Variants in FSHR observed in about 807,000 individuals in gnomAD.
FSHR encodes the protein follicle stimulating hormone receptor.
Under a neutral mutation model 52.1 loss-of-function variants are expected in FSHR, and 46 were observed. The ratio of observed to expected loss-of-function variants is 0.88; its 90% CI spans 0.70 to 1.13. FSHR has a LOEUF of 1.13. FSHR is among the 50% of genes most tolerant of loss of function. The probability of loss-of-function intolerance (pLI) is 0.00; values close to 1 mark genes in which losing one functional copy is unlikely to be tolerated. For missense variants in FSHR, 964 were observed against 834.6 expected (o/e 1.16, Z -1.91); for synonymous variants, 399 against 309.6 (o/e 1.29, Z -3.03).
At chr2:49,120,953 T>C (rs547975490) in intron 1 of FSHR, among the ~76,000 whole-genome samples, 14 of 152,246 alleles carry the variant, frequency 9.2e-5, no homozygotes, top group Non-Finnish European at 1.8e-4. Flanking sequence ...ACTAGTGATT[T>C]GGGGTTTTTC....
intron 2 of FSHR, among the ~76,000 whole-genome samples, chr2:49,061,973 A>C (rs931210058): frequency 5.9e-5 from 9 of 151,334 alleles, no homozygotes; most frequent in Admixed American, 4.6e-4. Context: ...GGGGACTTCA[A>C]TGCCCCACTG....
intron 2 of FSHR, among the ~76,000 whole-genome samples, chr2:49,024,119 G>T: frequency 6.6e-6 from 1 of 152,112 alleles, no homozygotes; most frequent in Admixed American, 6.6e-5. Flanking sequence ...AGTTGTTACT[G>T]ACTTATTGGA....
intron 2 of FSHR, among the ~76,000 whole-genome samples, chr2:49,050,983 T>C (rs1366316590): frequency 1.3e-5 from 2 of 152,174 alleles, no homozygotes; most frequent in African/African-American, 2.4e-5. Flanking sequence ...AATAGAATCA[T>C]ATGGTATACC....
intron 2 of FSHR, among the ~76,000 whole-genome samples, chr2:49,020,722 C>G (rs142936246): frequency 1.5e-4 from 23 of 152,260 alleles, no homozygotes; most frequent in African/African-American, 5.3e-4. Context: ...TGACACTGTC[C>G]TAGATCGTGG....
intron 2 of FSHR, among the ~76,000 whole-genome samples, chr2:49,055,377 T>G (rs1669017321): frequency 1.3e-5 from 2 of 150,866 alleles, no homozygotes; most frequent in East Asian, 3.9e-4. Context: ...GTCTACAAAA[T>G]TTATGAGGCA....
intron 1 of FSHR, among the ~76,000 whole-genome samples, chr2:49,115,364 A>G (rs1443606654): frequency 2.6e-5 from 4 of 152,076 alleles, no homozygotes; most frequent in East Asian, 1.9e-4. Flanking sequence ...ATGTTTATTG[A>G]ACACCTTCTA....
At chr2:49,081,445 C>A (rs986271210) in intron 1 of FSHR, among the ~76,000 whole-genome samples, 1 of 152,130 alleles carries the variant, frequency 6.6e-6, no homozygotes, top group African/African-American at 2.4e-5. Flanking sequence ...CTCTATACTT[C>A]ATGCTTGAAA....
chr2:49,143,849 T>G (rs1353976584), intron 1 of FSHR, among the ~76,000 whole-genome samples: 1 of 152,042 alleles, frequency 6.6e-6, no homozygotes, highest in East Asian at 1.9e-4. Flanking sequence ...TACTGCACCA[T>G]CCCTAAAACA....
chr2:49,002,208 C>G (rs997884378), intron 4 of FSHR, among the ~76,000 whole-genome samples: 2 of 152,072 alleles, frequency 1.3e-5, no homozygotes, highest in Non-Finnish European at 2.9e-5. Flanking sequence ...GTTACTCATG[C>G]CCGTATCACC....
chr2:49,021,880 TATATATAGAG>T (rs1175855276), intron 2 of FSHR, among the ~76,000 whole-genome samples: 5 of 51,302 alleles, frequency 9.7e-5, no homozygotes, highest in South Asian at 1.4e-3. Context: ...TATATATATA[TATATATAGAG>T]AGAGAGAGAG....
At position 49,121,487 on chromosome 2, in the gene FSHR, A is replaced by G. The variant is rs552092454; in HGVS notation, c.152+32779T>C. ...TCTCTAAAAGTCCCTAGTCCTGTGC[A>G]TCTCTAGAGTTGAAAGCAGTGTGGG... On this transcript the variant is annotated intron_variant, in intron 1 of 9. Transcript: ENST00000406846. Among the ~76,000 whole-genome samples, 87 of 152,288 alleles carry G rather than the reference A, an allele frequency of 5.7e-4. 2 individuals are homozygous for G. In the South Asian group the frequency reaches 0.014, roughly 24 times the overall value.
intron 6 of FSHR, among the ~76,000 whole-genome samples, chr2:48,985,077 A>C (rs1675428364): frequency 6.6e-6 from 1 of 151,096 alleles, no homozygotes; most frequent in Admixed American, 6.6e-5. Context: ...CTGGTCTCTT[A>C]AGAGAGGAAG....
chr2:49,072,910 C>G (rs1669789877), intron 1 of FSHR, among the ~76,000 whole-genome samples: 3 of 152,072 alleles, frequency 2.0e-5, no homozygotes, highest in Admixed American at 6.6e-5. Context: ...TTATAGAAGG[C>G]TTATTTTAAC....
intron 4 of FSHR, among the ~76,000 whole-genome samples, chr2:49,004,118 C>A (rs1203572763): frequency 6.6e-6 from 1 of 152,164 alleles, no homozygotes; most frequent in East Asian, 1.9e-4. Context: ...GCAGGCCCTG[C>A]CAAGGATTTC....
At chr2:48,970,290 T>C (rs144107120) in intron 8 of FSHR, among the ~76,000 whole-genome samples, 3 of 152,312 alleles carry the variant, frequency 2.0e-5, no homozygotes, top group African/African-American at 7.2e-5. Context: ...ATACTAGTTG[T>C]TCATGCTTTT....
chr2:48,972,400 A>G (rs979465549), intron 8 of FSHR, among the ~76,000 whole-genome samples: 1 of 152,228 alleles, frequency 6.6e-6, no homozygotes, highest in African/African-American at 2.4e-5. Context: ...CCTGGAGATC[A>G]GAGTCTGGTC....
chr2:49,118,719 AC>A (rs1362091177), intron 1 of FSHR, among the ~76,000 whole-genome samples: 2 of 152,138 alleles, frequency 1.3e-5, no homozygotes, highest in Non-Finnish European at 2.9e-5. Context: ...TCATTAACAT[AC>A]CCAATCACAC....
intron 5 of FSHR, among the ~76,000 whole-genome samples, chr2:48,989,999 G>A (rs992195928): frequency 6.6e-6 from 1 of 151,946 alleles, no homozygotes; most frequent in Admixed American, 6.6e-5. Context: ...CTTCCTCTCT[G>A]CTTAGCTCCT....
intron 8 of FSHR, among the ~76,000 whole-genome samples, chr2:48,974,758 GC>G (rs11312298): frequency 0.77 from 117,568 of 152,008 alleles, 45,593 homozygotes; most frequent in Non-Finnish European, 0.79. Context: ...ATTTATATTA[GC>G]CAGGGACAAA....
Sources: allele counts gnomAD v4.1 joint callset (sites outside exome capture counted in the v4.1 genomes callset), GRCh38; gene constraint gnomAD v4.1.1; transcripts MANE v1.5; gene names NCBI Gene and HGNC (gene_info 2026-07-23, HGNC 2026-07-21).